The following RBMS3 variants were observed in gnomAD, a reference collection of about 807,000 sequenced individuals.
The protein encoded by RBMS3 is RNA-binding motif, single-stranded-interacting protein 3.
A neutral mutation model predicts 66.8 loss-of-function variants in RBMS3; 27 were observed. That is an observed-to-expected ratio of 0.40 (90% CI 0.30 to 0.56). RBMS3 has a LOEUF of 0.56. Ranked by LOEUF, RBMS3 falls within the 20% of genes least tolerant of loss-of-function variation. The pLI, the probability that RBMS3 is intolerant of heterozygous loss-of-function variation, is 0.40. For synonymous variants in RBMS3, 188 were observed against 183.0 expected, an observed-to-expected ratio of 1.03 and a Z score of -0.22; for missense variants, 513 against 549.5, an observed-to-expected ratio of 0.93 and a Z score of 0.66.
chr3:29,429,650 A>G (rs186760363), intron 1 of RBMS3, among the ~76,000 whole-genome samples: 2 of 152,318 alleles, frequency 1.3e-5, no homozygotes, highest in East Asian at 3.9e-4. Context: ...ACAGTGTTAC[A>G]GTGTTCAGTA....
intron 12 of RBMS3, among the ~76,000 whole-genome samples, chr3:29,957,843 G>A (rs550714885): frequency 3.0e-4 from 45 of 152,268 alleles, no homozygotes; most frequent in Middle Eastern, 3.4e-3. Context: ...TGGTCCCAAT[G>A]ACATCGCATC....
chr3:29,583,605 A>G (rs1420280909), intron 3 of RBMS3, among the ~76,000 whole-genome samples: 1 of 152,180 alleles, frequency 6.6e-6, no homozygotes, highest in Non-Finnish European at 1.5e-5. Context: ...TCTTCCAGGT[A>G]CAATGGGTGA....
chr3:29,487,235 G>T (rs1040126004), intron 2 of RBMS3, among the ~76,000 whole-genome samples: 2 of 152,008 alleles, frequency 1.3e-5, no homozygotes, highest in African/African-American at 4.8e-5. Flanking sequence ...TGTTTTGGGG[G>T]AGATGGGAAA....
intron 1 of RBMS3, among the ~76,000 whole-genome samples, chr3:29,434,093 G>A (rs1477824777): frequency 1.3e-5 from 2 of 152,164 alleles, no homozygotes; most frequent in Admixed American, 6.5e-5. Flanking sequence ...CTGGATTAGA[G>A]TAATTTAAAG....
chr3:29,289,587 C>A (rs2032652797), intron 1 of RBMS3, among the ~76,000 whole-genome samples: 1 of 151,662 alleles, frequency 6.6e-6, no homozygotes, highest in South Asian at 2.1e-4. Context: ...GAAAATATAT[C>A]AAATTCTCAA....
At chr3:29,371,992 G>A (rs547565557) in intron 1 of RBMS3, among the ~76,000 whole-genome samples, 1 of 152,140 alleles carries the variant, frequency 6.6e-6, no homozygotes, top group African/African-American at 2.4e-5. Context: ...CTGTTTGATG[G>A]GAGAGATTCA....
intron 6 of RBMS3, among the ~76,000 whole-genome samples, chr3:29,854,264 G>A (rs1425723496): frequency 6.6e-6 from 1 of 152,156 alleles, no homozygotes; most frequent in African/African-American, 2.4e-5. Flanking sequence ...TTGTGTTTCC[G>A]GGCCTGTCCC....
At chr3:29,364,569 CA>C (rs1378712228) in intron 1 of RBMS3, among the ~76,000 whole-genome samples, 2 of 152,086 alleles carry the variant, frequency 1.3e-5, no homozygotes, top group Non-Finnish European at 2.9e-5. Context: ...TAACTAGCAG[CA>C]AAACATCATA....
chr3:29,431,077 A>G (rs1239888669), intron 1 of RBMS3, among the ~76,000 whole-genome samples: 3 of 152,218 alleles, frequency 2.0e-5, no homozygotes. Context: ...TCAGGAAATA[A>G]GTCATAGTTT....
intron 12 of RBMS3, among the ~76,000 whole-genome samples, chr3:29,965,422 T>G (rs539833129): frequency 6.6e-6 from 1 of 152,228 alleles, no homozygotes; most frequent in Admixed American, 6.5e-5. Flanking sequence ...TGGCCATTCT[T>G]GCAAGAGTAA....
intron 1 of RBMS3, among the ~76,000 whole-genome samples, chr3:29,351,047 C>T (rs559986129): frequency 3.0e-4 from 45 of 151,962 alleles, no homozygotes; most frequent in Non-Finnish European, 5.0e-4. Flanking sequence ...ATAGATATGC[C>T]TATACCAACT....
chr3:29,954,719 C>T (rs1472920170), intron 12 of RBMS3, among the ~76,000 whole-genome samples: 8 of 151,948 alleles, frequency 5.3e-5, no homozygotes, highest in Non-Finnish European at 1.5e-5. Context: ...TATTTTGAAT[C>T]TGCTATACCC....
At chr3:29,689,575 A>G (rs1576531075) in intron 4 of RBMS3, among the ~76,000 whole-genome samples, 1 of 152,116 alleles carries the variant, frequency 6.6e-6, no homozygotes, top group East Asian at 1.9e-4. Flanking sequence ...CAGAGTGGAA[A>G]ATATATAAAA....
Position 29,664,273 on chromosome 3 carries a change from A to G in RBMS3, c.400-75447A>G, listed in dbSNP as rs187550471. 1.9e-4 allele frequency among the ~76,000 whole-genome samples: 29 copies of G among 152,246 alleles called. No homozygotes were observed. The East Asian group carries it at 5.2e-3, about 27-fold the overall frequency. On this transcript the variant is annotated intron_variant, in intron 4 of 14. Transcript: ENST00000383767. ...TGGAGGCCAAGGCAGGAAGATCACA[A>G]GGTCAAGAGATCGAGACCATCCTAG...
intron 12 of RBMS3, among the ~76,000 whole-genome samples, chr3:29,953,330 G>A (rs1246444187): frequency 6.6e-6 from 1 of 151,936 alleles, no homozygotes. Flanking sequence ...TGATTGTTTA[G>A]GTTTGCAGAA....
At chr3:29,459,185 C>T (rs983359464) in intron 2 of RBMS3, among the ~76,000 whole-genome samples, 15 of 152,186 alleles carry the variant, frequency 9.9e-5, no homozygotes, top group African/African-American at 3.6e-4. Flanking sequence ...GATAAACATA[C>T]ATCATATTTT....
At chr3:29,964,708 T>C (rs1271498836) in intron 12 of RBMS3, among the ~76,000 whole-genome samples, 1 of 152,178 alleles carries the variant, frequency 6.6e-6, no homozygotes, top group Non-Finnish European at 1.5e-5. Flanking sequence ...CATTTCTTTT[T>C]AATTTTCTTA....
At chr3:29,711,408 G>T (rs183791501) in intron 4 of RBMS3, among the ~76,000 whole-genome samples, 131 of 152,282 alleles carry the variant, frequency 8.6e-4, no homozygotes, top group African/African-American at 3.0e-3. Flanking sequence ...AATTTGGGAA[G>T]AGAGTTTCTA....
intron 4 of RBMS3, among the ~76,000 whole-genome samples, chr3:29,622,771 G>A (rs994520718): frequency 2.0e-5 from 3 of 152,154 alleles, no homozygotes; most frequent in Admixed American, 6.5e-5. Flanking sequence ...GGAAGCTTAG[G>A]GGAGTAACTT....
Sources: gnomAD v4.1 joint callset for allele counts (sites outside exome capture counted in the v4.1 genomes callset) on GRCh38, gnomAD v4.1.1 for gene constraint, MANE v1.5 for transcripts, NCBI Gene and HGNC (gene_info 2026-07-23, HGNC 2026-07-21) for gene names.